Variants in MTHFD1 observed in about 807,000 individuals in gnomAD.
The protein encoded by MTHFD1 is C-1-tetrahydrofolate synthase, cytoplasmic.
MTHFD1 carries 44 observed loss-of-function variants against 110.3 expected under a neutral mutation model. The ratio of observed to expected loss-of-function variants is 0.40; its 90% CI spans 0.31 to 0.51. MTHFD1 has a LOEUF of 0.51. MTHFD1 is among the 20% of genes least tolerant of loss of function. The probability of loss-of-function intolerance (pLI) is 0.60; values close to 1 mark genes in which losing one functional copy is unlikely to be tolerated. For missense variants in MTHFD1, 909 were observed against 1,173.1 expected, an observed-to-expected ratio of 0.77 and a Z score of 3.29; for synonymous variants, 402 against 428.8, an observed-to-expected ratio of 0.94 and a Z score of 0.77.
chr14:64,435,135 G>A (rs918172069), intron 15 of MTHFD1, among the ~76,000 whole-genome samples: 1 of 151,502 alleles, frequency 6.6e-6, no homozygotes, highest in Non-Finnish European at 1.5e-5. Context: ...TTTTTTAGTA[G>A]AGACAGGGTT....
At chr14:64,397,489 T>G (rs2140943756) in intron 1 of MTHFD1, among the ~76,000 whole-genome samples, 1 of 152,124 alleles carries the variant, frequency 6.6e-6, no homozygotes. Flanking sequence ...GAGACGGGGT[T>G]TCACCATATT....
At chr14:64,427,672 C>T (rs1040049725) in intron 12 of MTHFD1, among the ~76,000 whole-genome samples, 199 bp downstream of exon 12, 4 of 152,198 alleles carry the variant, frequency 2.6e-5, no homozygotes, top group Non-Finnish European at 4.4e-5. Context: ...CACTGTTGGC[C>T]ACTGCACAGG....
intron 15 of MTHFD1, among the ~76,000 whole-genome samples, chr14:64,433,964 A>G (rs936076863): frequency 6.6e-6 from 1 of 152,064 alleles, no homozygotes; most frequent in African/African-American, 2.4e-5. Flanking sequence ...TGGGAGGCGG[A>G]GGTTGCAGTG....
intron 22 of MTHFD1, chr14:64,447,955 C>T (rs975610334): frequency 2.9e-5 from 15 of 511,512 alleles, no homozygotes; most frequent in Non-Finnish European, 4.6e-5. Context: ...AGGAAACATA[C>T]CAGCTCTTTT....
chr14:64,436,659 T>C (rs1197710823), intron 16 of MTHFD1, among the ~76,000 whole-genome samples: 1 of 152,230 alleles, frequency 6.6e-6, no homozygotes, highest in Non-Finnish European at 1.5e-5. Context: ...TTTTTGTGAT[T>C]TTCCTTGACT....
chr14:64,440,803 T>G (rs1445540956), intron 18 of MTHFD1: 1 of 225,756 alleles, frequency 4.4e-6, no homozygotes, highest in East Asian at 1.1e-4. Flanking sequence ...AGAATGGATT[T>G]CTCACATCAG....
chr14:64,400,568 G>A (rs2140945533), intron 1 of MTHFD1, among the ~76,000 whole-genome samples: 1 of 152,066 alleles, frequency 6.6e-6, no homozygotes, highest in South Asian at 2.1e-4. Context: ...GACCTGTAAA[G>A]TCCCAGCTAC....
At chr14:64,433,125 T>G (rs6573558) in intron 15 of MTHFD1, among the ~76,000 whole-genome samples, 16,487 of 152,022 alleles carry the variant, frequency 0.11, 1,058 homozygotes, top group African/African-American at 0.15. Flanking sequence ...TGGTTGGTTG[T>G]TTGTTTGTTT....
intron 6 of MTHFD1, 66 bp downstream of exon 6, chr14:64,415,805 G>T (rs1463315284): frequency 2.0e-6 from 3 of 1,483,406 alleles, no homozygotes; most frequent in Non-Finnish European, 2.8e-6. Context: ...ACATGTGGTG[G>T]CATAGAGGAG....
chr14:64,428,930 C>T (rs1043125622), intron 12 of MTHFD1, among the ~76,000 whole-genome samples: 7 of 152,102 alleles, frequency 4.6e-5, no homozygotes, highest in African/African-American at 1.4e-4. Flanking sequence ...AACTTCAGCA[C>T]GAGCTATTCC....
rs770319362 is a variant in MTHFD1, at chr14:64,448,295, G to T, written c.2257G>T (p.Val753Leu). 2.5e-6 allele frequency: 4 copies of T among 1,613,832 alleles called. No individual in the cohort carries two copies. In the African/African-American group the frequency reaches 4.0e-5, roughly 16 times the overall value. Residue 753 changes from valine to leucine, a missense_variant, in exon 23 of 28, where the codon GTA (valine) becomes TTA (leucine). Coordinates refer to ENST00000652337, the MANE Select transcript of MTHFD1 (RefSeq NM_005956.4). Reference sequence around the variant, plus strand: ...TGCCAGAATGTTTGGAATTCCAGTAGTAGTGGCCGTGAATGCATTCAAGTA... The same window carrying T: ...TGCCAGAATGTTTGGAATTCCAGTATTAGTGGCCGTGAATGCATTCAAGTA... The part of the protein sequence containing the change: ...ENARMFGIPV[V>L]VAVNAFKTDT...
Position 64,449,508 on chromosome 14 carries a change from T to C in MTHFD1, c.2343T>C (p.Asp781=), listed in dbSNP as rs376357265. The part of the protein sequence containing the change: ...SRLSREHGAF[D]AVKCTHWAEG... ...TTTCCAGAGAACATGGGGCTTTTGA[T>C]GCCGTGAAGTGCACTCACTGGGCAG... The change falls in exon 24 of 28, where the codon GAT becomes GAC. Residue 781 remains aspartate, a synonymous_variant. Coordinates refer to ENST00000652337, the MANE Select transcript of MTHFD1 (RefSeq NM_005956.4). The C allele has an allele frequency of 6.2e-7, 1 of 1,614,176 alleles. No homozygotes were observed. Among genetic ancestry groups the C allele is most frequent in the Non-Finnish European group, 8.5e-7 (1 of 1,180,028 alleles).
chr14:64,438,401 G>A (rs1035125385), intron 16 of MTHFD1, among the ~76,000 whole-genome samples: 3 of 152,182 alleles, frequency 2.0e-5, no homozygotes, highest in African/African-American at 7.2e-5. Context: ...AGAGCTCTGT[G>A]AGCCTTTTGT....
intron 27 of MTHFD1, chr14:64,458,805 A>G (rs761535553): frequency 1.9e-4 from 38 of 195,836 alleles, no homozygotes; most frequent in Non-Finnish European, 4.3e-5. Context: ...GGCCCTGAGT[A>G]CCGACTGCAA....
chr14:64,391,227 C>G (rs907813752), intron 1 of MTHFD1, among the ~76,000 whole-genome samples: 3 of 151,942 alleles, frequency 2.0e-5, no homozygotes, highest in Non-Finnish European at 2.9e-5. Flanking sequence ...TGCAATGGCA[C>G]GATGTTGTCT....
chr14:64,429,896 T>G (rs2078145004), intron 12 of MTHFD1, among the ~76,000 whole-genome samples: 1 of 152,220 alleles, frequency 6.6e-6, no homozygotes, highest in South Asian at 2.1e-4. Context: ...ACAGGTTGCC[T>G]TTATGTAACT....
rs141684405 is a variant in MTHFD1 at position 64,435,198 on chromosome 14, A to G, written c.1495-371A>G. The stretch of plus-strand genomic sequence containing the variant: ...ACTCCTGACCTCAGGTGATCTGCCC[A>G]TCTCAGCTTCCCATAGTGCTGGGAT... On this transcript the variant is annotated intron_variant, in intron 15 of 27. Coordinates refer to ENST00000652337, the MANE Select transcript of MTHFD1 (RefSeq NM_005956.4). 7.5e-3 allele frequency among the ~76,000 whole-genome samples: 1,138 copies of G among 151,944 alleles called. 13 individuals are homozygous for G. Among genetic ancestry groups the G allele is most frequent in the Middle Eastern group, 0.027 (8 of 294 alleles).
intron 4 of MTHFD1, 33 bp downstream of exon 4, chr14:64,412,558 A>G (rs757047563): frequency 6.4e-7 from 1 of 1,569,476 alleles, no homozygotes; most frequent in Admixed American, 1.7e-5. Context: ...TGAAGAGGGA[A>G]GGTGAAGTGG....
chr14:64,440,493 A>ATTTGAGT (rs907818425), intron 18 of MTHFD1: 1 of 589,722 alleles, frequency 1.7e-6, no homozygotes, highest in African/African-American at 1.8e-5. Context: ...GTTCCAGATG[A>ATTTGAGT]TTTGAGTAAC....
Sources: gnomAD v4.1 joint callset for allele counts (sites outside exome capture counted in the v4.1 genomes callset) on GRCh38, gnomAD v4.1.1 for gene constraint, MANE v1.5 for transcripts, NCBI Gene and HGNC (gene_info 2026-07-23, HGNC 2026-07-21) for gene names.